The following LRRC9 variants were observed in gnomAD, a reference collection of about 807,000 sequenced individuals.
LRRC9 encodes the protein leucine-rich repeat-containing protein 9.
In LRRC9, 122 loss-of-function variants were observed where a neutral mutation model predicts 63.2. The observed-to-expected ratio is 1.93, with a 90% confidence interval of 1.67 to 2.24. LRRC9 has a LOEUF of 2.24. Among genes scored for constraint, LRRC9 ranks in the 30% most tolerant of loss-of-function variants. The probability of loss-of-function intolerance (pLI) is 0.00; values close to 1 mark genes in which losing one functional copy is unlikely to be tolerated. For synonymous variants in LRRC9, 366 were observed against 213.1 expected (o/e 1.72, Z -6.25); for missense variants, 1,071 against 627.7 (o/e 1.71, Z -7.55).
rs955413411 is a variant in LRRC9, at chr14:59,949,579, A to T, written c.882+4835A>T. 5.5e-5 allele frequency among the ~76,000 whole-genome samples: 8 copies of T among 144,444 alleles called. 1 individual carries two copies. The highest frequency in any genetic ancestry group is 1.8e-4 in the African/African-American group (7 of 39,948). 94.8% of individuals were successfully genotyped at this position (144,444 alleles called of 152,430 possible). ...TTGAATGTGTTTGCTCTTGCTTTTA[A>T]TTGTGATGTTAGGGTGTCAATTTTG... On this transcript the variant is annotated intron_variant, in intron 8 of 31. Transcript: ENST00000445360.
At chr14:59,952,780 G>T (rs887485086) in intron 8 of LRRC9, among the ~76,000 whole-genome samples, 1 of 152,024 alleles carries the variant, frequency 6.6e-6, no homozygotes, top group Non-Finnish European at 1.5e-5. Context: ...CATGCATTAG[G>T]TATTTGTCCT....
intron 29 of LRRC9, among the ~76,000 whole-genome samples, chr14:60,041,142 G>C (rs1332755671): frequency 6.6e-6 from 1 of 151,904 alleles, no homozygotes; most frequent in Admixed American, 6.5e-5. Flanking sequence ...TTAGTCTGAT[G>C]GGCTTCCCTT....
intron 8 of LRRC9, among the ~76,000 whole-genome samples, chr14:59,954,303 G>A (rs184709914): frequency 6.6e-6 from 1 of 152,136 alleles, no homozygotes; most frequent in South Asian, 2.1e-4. Flanking sequence ...AGCATGGAAT[G>A]TTTTTCCATT....
chr14:59,964,023 G>A lies in LRRC9; in HGVS notation c.1212-2566G>A, dbSNP rs1179272975. On this transcript the variant is annotated intron_variant, in intron 10 of 31. Transcript: ENST00000445360. The surrounding 1 kb of genome is among the most constrained non-coding windows in gnomAD (Gnocchi z 4.4). ...ATATTAGTCATTGATATATATCATT[G>A]TGAATGTTTATACCTTCAAGTACCA... is the stretch of plus-strand genomic sequence containing the variant. 6.6e-6 allele frequency among the ~76,000 whole-genome samples: 1 copy of A among 152,134 alleles called. No homozygotes were observed. Among genetic ancestry groups the A allele is most frequent in the African/African-American group, 2.4e-5 (1 of 41,442 alleles).
intron 27 of LRRC9, among the ~76,000 whole-genome samples, chr14:60,026,513 A>C (rs1157944921): frequency 6.6e-6 from 1 of 152,018 alleles, no homozygotes; most frequent in Non-Finnish European, 1.5e-5. Context: ...ACTTTCTCCC[A>C]TTCTGTAAGC....
At chr14:59,934,652 G>A (rs1476322886) in intron 6 of LRRC9, among the ~76,000 whole-genome samples, 3 of 152,198 alleles carry the variant, frequency 2.0e-5, no homozygotes, top group South Asian at 2.1e-4. Context: ...ACAAGATTGT[G>A]TGTGTGCACG....
rs1881845056 is a variant in LRRC9 at position 59,942,193 on chromosome 14, T to C, written c.727-2396T>C. Among the ~76,000 whole-genome samples the C allele has an allele frequency of 6.6e-6, 1 of 152,114 alleles. No homozygotes were observed. Among genetic ancestry groups the C allele is most frequent in the Non-Finnish European group, 1.5e-5 (1 of 68,012 alleles). ...ATTCCATCATGTGTATACACATATG[T>C]GTGTGTGTAATGTGATATATATATA... On this transcript the variant is annotated intron_variant, in intron 7 of 31. Coordinates refer to ENST00000445360, the Ensembl canonical transcript of LRRC9. The surrounding 1 kb of genome is among the most constrained non-coding windows in gnomAD (Gnocchi z 5.3).
chr14:59,985,286 G>A lies in LRRC9; in HGVS notation c.2211+62G>A, dbSNP rs1258363644. On this transcript the variant is annotated intron_variant, in intron 17 of 31. Coordinates refer to ENST00000445360, the Ensembl canonical transcript of LRRC9. ...TCATAGAAGCAGAAGTAGAATGGTG[G>A]TTATCAGGGCCTAAGGGCTAGGGGA... The A allele has an allele frequency of 5.3e-6, 3 of 561,222 alleles. No homozygotes were observed. In the Admixed American group the frequency reaches 8.1e-5, roughly 15 times the overall value. The allele number at this position is 561,222 out of a possible 1,614,324, so 34.8% of individuals were successfully genotyped here. A position where few individuals can be genotyped will look rare whatever the true frequency, so the allele number is the denominator to read the frequency against.
intron 29 of LRRC9, among the ~76,000 whole-genome samples, chr14:60,034,015 CT>C (rs1157239003): frequency 0.017 from 1,962 of 115,660 alleles, 4 homozygotes; most frequent in South Asian, 0.03. Context: ...TTTTTTCTTT[CT>C]TTTTTTTTTT....
At chr14:60,023,881 G>A (rs1358740977) in intron 27 of LRRC9, among the ~76,000 whole-genome samples, 3 of 152,102 alleles carry the variant, frequency 2.0e-5, no homozygotes, top group Non-Finnish European at 4.4e-5. Flanking sequence ...CCACTTATGA[G>A]TGAGAACATG....
intron 1 of LRRC9, among the ~76,000 whole-genome samples, chr14:59,924,886 C>A (rs1352071149): frequency 6.6e-6 from 1 of 151,882 alleles, no homozygotes; most frequent in East Asian, 1.9e-4. Flanking sequence ...ACTCTCACTG[C>A]CCCCCATCCC....
In LRRC9 at chr14:59,949,630, C is replaced by T. The variant is rs539421076; in HGVS notation, c.882+4886C>T. ...GATCTTTCCTGCTTTCTCTTGTGGG[C>T]ATTTAGTGCTATAAATTTCCCTCTA... On this transcript the variant is annotated intron_variant, in intron 8 of 31. Coordinates refer to ENST00000445360, the Ensembl canonical transcript of LRRC9. Among the ~76,000 whole-genome samples, 34 of 151,402 alleles carry T rather than the reference C, an allele frequency of 2.2e-4. No individual in the cohort carries two copies. The East Asian group carries it at 6.3e-3, about 28-fold the overall frequency.
intron 29 of LRRC9, among the ~76,000 whole-genome samples, chr14:60,037,860 G>A (rs1892586078): frequency 6.6e-6 from 1 of 152,130 alleles, no homozygotes; most frequent in East Asian, 1.9e-4. Flanking sequence ...GTCCTGAATG[G>A]TATTGTCTAG....
intron 23 of LRRC9, 91 bp from the exon 24 acceptor site, chr14:60,016,569 T>C (rs1890701070): frequency 1.7e-6 from 1 of 581,732 alleles, no homozygotes. Context: ...TCTGGAAAAA[T>C]GAGTCCACTG....
rs1265168694 is a variant in LRRC9 at position 60,057,877 on chromosome 14, G to A, written c.4132-1G>A. The A allele has an allele frequency of 9.0e-6, 6 of 665,632 alleles. No homozygotes were observed. Among genetic ancestry groups the A allele is most frequent in the Non-Finnish European group, 1.7e-5 (6 of 359,670 alleles). 41.2% of individuals were successfully genotyped at this position (665,632 alleles called of 1,614,324 possible). ...ATTAACTGTTTTATTTTATTATGTA[G>A]CTTATTCCTGTTACCCACTCTCCTA... On this transcript the variant is annotated splice_acceptor_variant, in intron 30 of 31. Coordinates refer to ENST00000445360, the Ensembl canonical transcript of LRRC9. LOFTEE classifies it high-confidence loss of function.
At chr14:59,960,931 A>T (rs1488652650) in exon 10 of LRRC9, 1 of 679,762 alleles carries the variant, frequency 1.5e-6, no homozygotes, top group Admixed American at 2.2e-5. Flanking sequence ...GCAATTTATC[A>T]TATTGAAGTA....
intron 7 of LRRC9, 52 bp from the exon 8 acceptor site, chr14:59,944,537 T>C (rs893672285): frequency 5.7e-6 from 3 of 530,246 alleles, no homozygotes; most frequent in Non-Finnish European, 9.8e-6. Flanking sequence ...CACTAACAAT[T>C]GCCTATAATT....
chr14:60,008,259 T>C (rs780106541), intron 23 of LRRC9, 45 bp downstream of exon 23: 107 of 662,600 alleles, frequency 1.6e-4, no homozygotes, highest in Non-Finnish European at 8.2e-6. Flanking sequence ...AGCTGCATAG[T>C]CACATATTTA....
chr14:60,027,244 T>G lies in LRRC9; in HGVS notation c.3704-640T>G, dbSNP rs779194356. Reference sequence around the variant, plus strand: ...CCCCTGTAGTATTTTGAGACTCTAATAGAAAATACTGTACATATAAAAGCA... The same window carrying G: ...CCCCTGTAGTATTTTGAGACTCTAAGAGAAAATACTGTACATATAAAAGCA... On this transcript the variant is annotated intron_variant, in intron 27 of 31. Transcript: ENST00000445360. This position sits in a 1 kb window ranked among gnomAD's most constrained non-coding sequence, Gnocchi z 4.0. Among the ~76,000 whole-genome samples, 1 of 152,040 alleles carries G rather than the reference T, an allele frequency of 6.6e-6. No homozygotes were observed. Among genetic ancestry groups the G allele is most frequent in the African/African-American group, 2.4e-5 (1 of 41,432 alleles).
Sources: allele counts gnomAD v4.1 joint callset (sites outside exome capture counted in the v4.1 genomes callset), GRCh38; gene constraint gnomAD v4.1.1; non-coding constraint Gnocchi (gnomAD v3.1); transcripts MANE v1.5; gene names NCBI Gene and HGNC (gene_info 2026-07-23, HGNC 2026-07-21).